Variants in TERF1 observed in about 807,000 individuals in gnomAD.
TERF1 encodes telomeric repeat-binding factor 1.
A neutral mutation model predicts 55.1 loss-of-function variants in TERF1; 20 were observed. The observed-to-expected ratio is 0.36, with a 90% confidence interval of 0.26 to 0.53. The LOEUF is 0.53. Ranked by LOEUF, TERF1 falls within the 20% of genes least tolerant of loss-of-function variation. The pLI, the probability that TERF1 is intolerant of heterozygous loss-of-function variation, is 0.91. For missense variants in TERF1, 439 were observed against 535.7 expected (o/e 0.82, Z 1.78); for synonymous variants, 168 against 181.2 (o/e 0.93, Z 0.59).
chr8:73,023,884 G>C (rs960394971), intron 4 of TERF1, among the ~76,000 whole-genome samples: 1 of 152,274 alleles, frequency 6.6e-6, no homozygotes, highest in South Asian at 2.1e-4. Context: ...TTCTTTGGGA[G>C]ATCATTTTAG....
At chr8:73,025,780 A>T (rs866554780) in intron 5 of TERF1, among the ~76,000 whole-genome samples, 6 of 127,566 alleles carry the variant, frequency 4.7e-5, no homozygotes, top group African/African-American at 1.7e-4. Flanking sequence ...AAAAAAAAAA[A>T]GCTGGGCATG....
chr8:73,010,042 T>C (rs950333689), intron 1 of TERF1: 5 of 152,316 alleles, frequency 3.3e-5, no homozygotes, highest in African/African-American at 1.2e-4. Flanking sequence ...ATTACAGGTA[T>C]GAGCCACCGC....
intron 5 of TERF1, among the ~76,000 whole-genome samples, chr8:73,025,771 A>C: frequency 6.7e-6 from 1 of 150,198 alleles, no homozygotes; most frequent in Non-Finnish European, 1.5e-5. Context: ...AAAAAAAAAA[A>C]AAAAAAAAAG....
chr8:73,035,837 G>T (rs1809485118), intron 8 of TERF1, among the ~76,000 whole-genome samples: 1 of 152,074 alleles, frequency 6.6e-6, no homozygotes. Flanking sequence ...TTTGTAGTAG[G>T]GTAATCTTAT....
At chr8:73,038,691 T>G in intron 8 of TERF1, 2 of 787,490 alleles carry the variant, frequency 2.5e-6, no homozygotes, top group Middle Eastern at 6.6e-4. Flanking sequence ...TAATTACAGT[T>G]CTGTTTCTTT....
chr8:73,009,312 C>A, intron 1 of TERF1, 107 bp downstream of exon 1: 1 of 123,368 alleles, frequency 8.1e-6, no homozygotes, highest in South Asian at 1.9e-4. Flanking sequence ...GGGGCTGCTG[C>A]GGCCGATTAG....
chr8:73,030,373 G>C lies in TERF1; in HGVS notation c.925G>C (p.Glu309Gln), dbSNP rs766103414. 1 of 1,526,776 alleles carries C rather than the reference G, an allele frequency of 6.5e-7. No homozygotes were observed. The highest frequency in any genetic ancestry group is 1.3e-5 in the South Asian group (1 of 75,308). The allele number at this position is 1,526,776 out of a possible 1,614,324, so 94.6% of individuals were successfully genotyped here. Residue 309 changes from glutamate to glutamine, a missense_variant, in exon 7 of 10, where the codon GAG (glutamate) becomes CAG (glutamine). This residue lies in a region of TERF1 where 140 missense variants were observed against 158.6 expected (regional missense o/e 0.88). Transcript: ENST00000276603. ...DKQSAVTESS[E>Q]GTVSLLRSHK... Reference sequence around the variant, plus strand: ...ACAGTCTGCGGTAACTGAATCCTCAGAGGGTACAGTATCCTTATTGAGGTG... The same window carrying C: ...ACAGTCTGCGGTAACTGAATCCTCACAGGGTACAGTATCCTTATTGAGGTG...
chr8:73,033,154 T>C (rs1485806794), intron 8 of TERF1, among the ~76,000 whole-genome samples: 3 of 152,136 alleles, frequency 2.0e-5, no homozygotes, highest in Non-Finnish European at 2.9e-5. Flanking sequence ...AGGCCTGCAG[T>C]AAATATTATA....
chr8:73,038,956 C>T (rs1165391393), intron 8 of TERF1, among the ~76,000 whole-genome samples, 160 bp from the exon 9 acceptor site: 1 of 152,010 alleles, frequency 6.6e-6, no homozygotes, highest in Non-Finnish European at 1.5e-5. Context: ...CTGATCTTTG[C>T]ACTATACCAT....
chr8:73,018,166 A>G (rs1438199146), intron 2 of TERF1, among the ~76,000 whole-genome samples: 1 of 152,136 alleles, frequency 6.6e-6, no homozygotes, highest in Non-Finnish European at 1.5e-5. Context: ...CAAGGTCAGG[A>G]ACTTTTTTTT....
intron 2 of TERF1, among the ~76,000 whole-genome samples, chr8:73,014,950 G>A (rs948262527): frequency 2.0e-5 from 3 of 152,214 alleles, no homozygotes; most frequent in Non-Finnish European, 2.9e-5. Context: ...TAGCAGGCTG[G>A]AGCAGAATTC....
intron 8 of TERF1, among the ~76,000 whole-genome samples, chr8:73,036,662 G>C (rs1339114568): frequency 6.6e-6 from 1 of 151,318 alleles, no homozygotes; most frequent in Non-Finnish European, 1.5e-5. Context: ...AAATGGCATA[G>C]TCTTTGCATA....
intron 5 of TERF1, 106 bp downstream of exon 5, chr8:73,025,077 T>C (rs1808922277): frequency 1.4e-6 from 1 of 736,540 alleles, no homozygotes; most frequent in African/African-American, 1.8e-5. Context: ...GAATTTTTCA[T>C]TGTGGTTTTG....
chr8:73,030,091 T>C (rs1230601592), intron 6 of TERF1: 1 of 333,564 alleles, frequency 3.0e-6, no homozygotes, highest in East Asian at 4.6e-5. Context: ...AAGAGTGTTA[T>C]AAATGCTTGA....
chr8:73,020,214 G>T (rs1808691200), intron 2 of TERF1, among the ~76,000 whole-genome samples: 1 of 152,156 alleles, frequency 6.6e-6, no homozygotes, highest in South Asian at 2.1e-4. Flanking sequence ...GTGAGTCTTT[G>T]TTCTGAATAA....
intron 9 of TERF1, among the ~76,000 whole-genome samples, chr8:73,041,257 G>A (rs944996230): frequency 5.3e-5 from 8 of 151,960 alleles, no homozygotes; most frequent in East Asian, 3.8e-4. Flanking sequence ...AGGAGTTACC[G>A]TTTGTAGCTG....
At chr8:73,010,030 A>T (rs1808223490) in intron 1 of TERF1, 1 of 152,146 alleles carries the variant, frequency 6.6e-6, no homozygotes, top group Admixed American at 6.5e-5. Context: ...CGCAGCTGTA[A>T]GATTACAGGT....
rs1371204885 is a variant in TERF1, at chr8:73,037,226, A to G, written c.1040-1890A>G. ...AATATAATTTATATATAATTATAATATAATAATTTATATATAATTATAAAG... is the reference window on the plus strand; with the variant it reads ...AATATAATTTATATATAATTATAATGTAATAATTTATATATAATTATAAAG... On this transcript the variant is annotated intron_variant, in intron 8 of 9. Transcript: ENST00000276603. Among the ~76,000 whole-genome samples the G allele has an allele frequency of 2.2e-5, 3 of 136,370 alleles. No homozygotes were observed. In the East Asian group the frequency reaches 6.0e-4, roughly 27 times the overall value. 89.5% of individuals were successfully genotyped at this position (136,370 alleles called of 152,430 possible).
At chr8:73,019,496 C>G (rs1001908327) in intron 2 of TERF1, among the ~76,000 whole-genome samples, 2 of 152,174 alleles carry the variant, frequency 1.3e-5, no homozygotes, top group African/African-American at 2.4e-5. Context: ...CCTTTTCCAT[C>G]ATCTTTCTAA....
Sources: allele counts gnomAD v4.1 joint callset (sites outside exome capture counted in the v4.1 genomes callset), GRCh38; gene constraint gnomAD v4.1.1; regional missense constraint gnomAD v4.1.1; transcripts MANE v1.5; gene names NCBI Gene and HGNC (gene_info 2026-07-23, HGNC 2026-07-21).